SGCD: variants seen among roughly 807,000 people sequenced by gnomAD.
SGCD encodes sarcoglycan delta.
In SGCD, 18 loss-of-function variants were observed where a neutral mutation model predicts 36.6. The ratio of observed to expected loss-of-function variants is 0.49; its 90% CI spans 0.34 to 0.73. The LOEUF (loss-of-function observed/expected upper bound fraction) is 0.73. Ranked by LOEUF, SGCD falls within the 30% of genes least tolerant of loss-of-function variation. SGCD has a pLI of 0.01. For synonymous variants in SGCD, 133 were observed against 130.6 expected (o/e 1.02, Z -0.12); for missense variants, 387 against 346.7 (o/e 1.12, Z -0.92).
At chr5:155,755,060 C>T in the SGCD span, among the ~76,000 whole-genome samples, 1 of 152,162 alleles carries the variant, frequency 6.6e-6, no homozygotes, top group Non-Finnish European at 1.5e-5. Context: ...AACTCTGTCT[C>T]TTCAAGTCAA....
chr5:155,842,472 C>G, the SGCD span, among the ~76,000 whole-genome samples: 4 of 151,948 alleles, frequency 2.6e-5, no homozygotes, highest in Non-Finnish European at 4.4e-5. Context: ...ACTCAGGAGG[C>G]TGAGGCAGGA....
chr5:155,752,439 C>G, the SGCD span, among the ~76,000 whole-genome samples: 1 of 152,170 alleles, frequency 6.6e-6, no homozygotes, highest in African/African-American at 2.4e-5. Flanking sequence ...ATACCATCCT[C>G]TTTCCCTTGG....
chr5:156,395,742 G>A (rs1285650654), intron 3 of SGCD, among the ~76,000 whole-genome samples: 2 of 152,156 alleles, frequency 1.3e-5, no homozygotes, highest in Non-Finnish European at 2.9e-5. Flanking sequence ...TTAGGAAGGG[G>A]TAGAGCCTGG....
At chr5:156,217,267 A>G (rs1764600298) in intron 3 of SGCD, among the ~76,000 whole-genome samples, 1 of 152,150 alleles carries the variant, frequency 6.6e-6, no homozygotes, top group Non-Finnish European at 1.5e-5. Context: ...GTTAGACTGA[A>G]ATTTATTCAA....
chr5:156,434,282 G>C (rs1753148843), intron 3 of SGCD, among the ~76,000 whole-genome samples: 1 of 152,196 alleles, frequency 6.6e-6, no homozygotes, highest in Non-Finnish European at 1.5e-5. Context: ...AAACTGATTG[G>C]AGTAAGGCAA....
chr5:156,527,081 A>G (rs1418677398), intron 4 of SGCD, among the ~76,000 whole-genome samples: 1 of 152,172 alleles, frequency 6.6e-6, no homozygotes, highest in Non-Finnish European at 1.5e-5. Context: ...CTCATTGCCT[A>G]TCATGGTACA....
chr5:155,999,065 C>T (rs576061992), intron 1 of SGCD, among the ~76,000 whole-genome samples: 10 of 152,228 alleles, frequency 6.6e-5, no homozygotes, highest in Non-Finnish European at 1.5e-4. Flanking sequence ...ACTCCTCCAA[C>T]TCCCACTTTA....
At chr5:155,750,298 T>C in the SGCD span, among the ~76,000 whole-genome samples, 1 of 152,202 alleles carries the variant, frequency 6.6e-6, no homozygotes, top group Non-Finnish European at 1.5e-5. Context: ...AATAGTTTTG[T>C]TGTGGGTGGA....
chr5:156,025,631 C>T (rs1759211481), intron 1 of SGCD, among the ~76,000 whole-genome samples: 1 of 152,148 alleles, frequency 6.6e-6, no homozygotes, highest in African/African-American at 2.4e-5. Flanking sequence ...GATTTTTCTC[C>T]ATTTTCTTTC....
At chr5:156,230,766 T>C (rs572599889) in intron 3 of SGCD, among the ~76,000 whole-genome samples, 19 of 152,298 alleles carry the variant, frequency 1.2e-4, no homozygotes, top group African/African-American at 4.3e-4. Flanking sequence ...TCCACCACTA[T>C]ATCTCAGCAA....
At chr5:156,550,832 T>G (rs1173357705) in intron 4 of SGCD, among the ~76,000 whole-genome samples, 1 of 152,240 alleles carries the variant, frequency 6.6e-6, no homozygotes, top group Non-Finnish European at 1.5e-5. Context: ...GACATAATGC[T>G]TTTTAAAGGA....
chr5:156,454,871 G>A (rs1032967429), intron 3 of SGCD, among the ~76,000 whole-genome samples: 2 of 152,050 alleles, frequency 1.3e-5, no homozygotes, highest in Non-Finnish European at 2.9e-5. Flanking sequence ...GAGGAACTGT[G>A]TGCTCTGGAC....
At chr5:155,842,819 AAG>A in the SGCD span, among the ~76,000 whole-genome samples, 1 of 152,246 alleles carries the variant, frequency 6.6e-6, no homozygotes, top group Non-Finnish European at 1.5e-5. Context: ...ATTTTAAAAA[AAG>A]AAATCTTCAA....
rs537621862 is a variant in SGCD at position 156,726,878 on chromosome 5, T to C, written c.576-30703T>C. Among the ~76,000 whole-genome samples, 10 of 152,352 alleles carry C rather than the reference T, an allele frequency of 6.6e-5. No homozygotes were observed. The South Asian group carries it at 1.7e-3, about 25-fold the overall frequency. ...TTGCTGCTACATATCTGTATGATTG[T>C]GGTCAAGTTACTTAACCTCTCTGTG... On this transcript the variant is annotated intron_variant, in intron 7 of 8. Coordinates refer to ENST00000337851, the MANE Select transcript of SGCD (RefSeq NM_000337.6).
intron 3 of SGCD, among the ~76,000 whole-genome samples, chr5:156,179,006 T>C (rs6890597): frequency 0.63 from 95,884 of 151,728 alleles, 30,903 homozygotes; most frequent in East Asian, 0.94. Context: ...AAAGGTAGGT[T>C]TTAGGCTAAT....
At chr5:155,773,407 T>C in the SGCD span, among the ~76,000 whole-genome samples, 2 of 152,132 alleles carry the variant, frequency 1.3e-5, no homozygotes, top group African/African-American at 4.8e-5. Flanking sequence ...TTTGAACTTC[T>C]GGCCTCAACC....
At chr5:156,169,013 G>T (rs1763278436) in intron 3 of SGCD, among the ~76,000 whole-genome samples, 1 of 152,170 alleles carries the variant, frequency 6.6e-6, no homozygotes. Flanking sequence ...TCAAAAGGCT[G>T]ACAGGAGAAA....
chr5:156,140,393 G>T (rs1762551767), intron 3 of SGCD, among the ~76,000 whole-genome samples: 1 of 152,216 alleles, frequency 6.6e-6, no homozygotes, highest in Non-Finnish European at 1.5e-5. Context: ...GTCATGAACA[G>T]AAGGTTGGTA....
intron 1 of SGCD, among the ~76,000 whole-genome samples, chr5:156,109,398 A>G (rs950370743): frequency 5.9e-5 from 9 of 152,038 alleles, no homozygotes; most frequent in African/African-American, 1.9e-4. Context: ...TGGGATGGGA[A>G]GGAGAAGAAA....
Sources: gnomAD v4.1 joint callset for allele counts (sites outside exome capture counted in the v4.1 genomes callset) on GRCh38, gnomAD v4.1.1 for gene constraint, MANE v1.5 for transcripts, NCBI Gene and HGNC (gene_info 2026-07-23, HGNC 2026-07-21) for gene names.